The following MICU2 variants were observed in gnomAD, a reference collection of about 807,000 sequenced individuals.
The protein encoded by MICU2 is mitochondrial calcium uptake 2, also known as calcium uptake protein 2, mitochondrial.
Under a neutral mutation model 60.4 loss-of-function variants are expected in MICU2, and 64 were observed. That is an observed-to-expected ratio of 1.06 (90% CI 0.87 to 1.31). The LOEUF (loss-of-function observed/expected upper bound fraction) is 1.31. Among genes scored for constraint, MICU2 ranks in the 50% most tolerant of loss-of-function variants. MICU2 has a pLI of 0.00. For synonymous variants in MICU2, 201 were observed against 175.0 expected, an observed-to-expected ratio of 1.15 and a Z score of -1.17; for missense variants, 569 against 531.0, an observed-to-expected ratio of 1.07 and a Z score of -0.70.
chr13:21,501,653 C>T (rs1013269547), intron 9 of MICU2, among the ~76,000 whole-genome samples: 19 of 152,152 alleles, frequency 1.2e-4, no homozygotes, highest in Admixed American at 1.0e-3. Context: ...GATTCCTGCA[C>T]GTACGAAAGA....
chr13:21,561,102 T>C (rs890885931), intron 2 of MICU2, among the ~76,000 whole-genome samples: 2 of 152,230 alleles, frequency 1.3e-5, no homozygotes, highest in African/African-American at 4.8e-5. Context: ...TCTGAGATGT[T>C]TCAGCTATCT....
At chr13:21,552,003 C>T (rs982024387) in intron 2 of MICU2, among the ~76,000 whole-genome samples, 45 of 152,114 alleles carry the variant, frequency 3.0e-4, no homozygotes, top group South Asian at 1.2e-3. Flanking sequence ...CCTGAGGAAT[C>T]GCCACACTGA....
chr13:21,512,131 T>G (rs1317949435), intron 7 of MICU2, among the ~76,000 whole-genome samples: 2 of 152,206 alleles, frequency 1.3e-5, no homozygotes, highest in Non-Finnish European at 2.9e-5. Flanking sequence ...ATCTGGTGTG[T>G]CAGTGGTTTG....
At chr13:21,503,172 G>T in intron 8 of MICU2, 75 bp from the exon 9 acceptor site, 1 of 1,077,496 alleles carries the variant, frequency 9.3e-7, no homozygotes, top group Non-Finnish European at 1.3e-6. Flanking sequence ...GGTCTGCAAA[G>T]TACCTTCACT....
chr13:21,583,977 C>T (rs1290470817), intron 1 of MICU2, among the ~76,000 whole-genome samples: 9 of 152,128 alleles, frequency 5.9e-5, no homozygotes, highest in African/African-American at 2.2e-4. Context: ...AGAAAAATGA[C>T]ATAATTTCAA....
intron 4 of MICU2, among the ~76,000 whole-genome samples, chr13:21,533,025 G>C (rs1405493761): frequency 6.6e-6 from 1 of 152,152 alleles, no homozygotes; most frequent in South Asian, 2.1e-4. Flanking sequence ...GAAAGGGAAA[G>C]AAAAGAGGCC....
chr13:21,543,752 T>C (rs1887339575), intron 2 of MICU2, among the ~76,000 whole-genome samples: 1 of 152,096 alleles, frequency 6.6e-6, no homozygotes, highest in East Asian at 1.9e-4. Flanking sequence ...CAAAGTGATC[T>C]ATAGATCCAA....
chr13:21,504,000 C>T (rs1886238722), intron 8 of MICU2, among the ~76,000 whole-genome samples: 1 of 152,088 alleles, frequency 6.6e-6, no homozygotes, highest in African/African-American at 2.4e-5. Flanking sequence ...CTACATTTAT[C>T]CTATAAATCT....
intron 4 of MICU2, chr13:21,531,096 C>A: frequency 1.0e-6 from 1 of 987,140 alleles, no homozygotes; most frequent in Non-Finnish European, 1.6e-6. Flanking sequence ...TGATTTACAA[C>A]CAAGGCATAG....
rs758111811 is a variant in MICU2, at chr13:21,596,785, C to A, written c.210+7154G>T. ...CAAACACATAGTATGTAAACCAAAGCCATTCTCTTGCTAAGAGGATTTTCA... is the reference window on the plus strand; with the variant it reads ...CAAACACATAGTATGTAAACCAAAGACATTCTCTTGCTAAGAGGATTTTCA... On this transcript the variant is annotated intron_variant, in intron 1 of 11. Transcript: ENST00000382374. Among the ~76,000 whole-genome samples, 5 of 152,158 alleles carry A rather than the reference C, an allele frequency of 3.3e-5. No individual in the cohort carries two copies. In the East Asian group the frequency reaches 9.6e-4, roughly 29 times the overall value.
intron 6 of MICU2, among the ~76,000 whole-genome samples, chr13:21,515,262 T>C (rs1274842679): frequency 6.6e-6 from 1 of 152,102 alleles, no homozygotes; most frequent in East Asian, 1.9e-4. Flanking sequence ...TTTTGTATTT[T>C]TAGTAGAGAT....
At chr13:21,496,256 T>C in intron 9 of MICU2, 96 bp from the exon 10 acceptor site, 3 of 873,450 alleles carry the variant, frequency 3.4e-6, no homozygotes, top group South Asian at 1.7e-5. Context: ...TAGAGACTAG[T>C]ATCATTCTAA....
rs5802119 is a variant in MICU2 at position 21,515,085 on chromosome 13, G to GTTTTTTT, written c.598-674_598-668dup. On this transcript the variant is annotated intron_variant, in intron 6 of 11. Transcript: ENST00000382374. ...TTATGGTGACATTTTCAAGTATATA[G>GTTTTTTT]TTTTTTTTTTTTTTGAGACGGAGTC... 6.5e-5 allele frequency among the ~76,000 whole-genome samples: 9 copies of GTTTTTTT among 139,330 alleles called. 1 individual carries two copies. The highest frequency in any genetic ancestry group is 1.9e-4 in the African/African-American group (7 of 37,814). The allele number at this position is 139,330 out of a possible 152,430, so 91.4% of individuals were successfully genotyped here. A position where few individuals can be genotyped will look rare whatever the true frequency, so the allele number is the denominator to read the frequency against.
At chr13:21,570,430 AGCTT>A (rs1419272198) in intron 1 of MICU2, among the ~76,000 whole-genome samples, 1 of 152,230 alleles carries the variant, frequency 6.6e-6, no homozygotes, top group Non-Finnish European at 1.5e-5. Context: ...TGTCAGGCTT[AGCTT>A]GCTTTACTTC....
chr13:21,544,528 A>C (rs902243767), intron 2 of MICU2, among the ~76,000 whole-genome samples: 1 of 148,088 alleles, frequency 6.8e-6, no homozygotes, highest in African/African-American at 2.5e-5. Context: ...AAAAAAAAAA[A>C]AAAAAACTCA....
intron 9 of MICU2, 135 bp from the exon 10 acceptor site, chr13:21,496,295 CCCTTTCTCTCTGTGTGCACACAGAAATG>C (rs1171938924): frequency 6.1e-6 from 4 of 655,784 alleles, no homozygotes; most frequent in Non-Finnish European, 1.0e-5. Context: ...CTTTCTCTGT[CCCTTTCTCTCTGTGTGCACACAGAAATG>C]GCCACACAAA....
chr13:21,566,599 G>A (rs1887988294), intron 2 of MICU2, among the ~76,000 whole-genome samples, 198 bp downstream of exon 2: 1 of 151,636 alleles, frequency 6.6e-6, no homozygotes, highest in African/African-American at 2.4e-5. Context: ...TCTCTTTAGA[G>A]AAACATACAT....
rs9634370 is a variant in MICU2 at position 21,500,431 on chromosome 13, T to G, written c.933+2495A>C. Among the ~76,000 whole-genome samples the G allele has an allele frequency of 9.6e-3, 991 of 103,740 alleles. 3 individuals carry two copies. Among genetic ancestry groups the G allele is most frequent in the East Asian group, 0.04 (66 of 1,638 alleles). The allele number at this position is 103,740 out of a possible 152,430, so 68.1% of individuals were successfully genotyped here. A position where few individuals can be genotyped will look rare whatever the true frequency, so the allele number is the denominator to read the frequency against. ...GATACCTACTGATTTTTTTTTTTTT[T>G]TTTTTTTTTTTTTTTTTGAGACAGA... is the stretch of plus-strand genomic sequence containing the variant. On this transcript the variant is annotated intron_variant, in intron 9 of 11. Coordinates refer to ENST00000382374, the MANE Select transcript of MICU2 (RefSeq NM_152726.3).
intron 1 of MICU2, among the ~76,000 whole-genome samples, chr13:21,579,811 T>A (rs899656390): frequency 1.3e-5 from 2 of 152,062 alleles, no homozygotes; most frequent in African/African-American, 4.8e-5. Flanking sequence ...ATAAAATACA[T>A]CATTAACTGA....
Sources: allele counts gnomAD v4.1 joint callset (sites outside exome capture counted in the v4.1 genomes callset), GRCh38; gene constraint gnomAD v4.1.1; transcripts MANE v1.5; gene names NCBI Gene and HGNC (gene_info 2026-07-23, HGNC 2026-07-21).